PTPRN2: variants seen among roughly 807,000 people sequenced by gnomAD.
PTPRN2 encodes protein tyrosine phosphatase receptor type N2, also known as receptor-type tyrosine-protein phosphatase N2.
In PTPRN2, 74 loss-of-function variants were observed where a neutral mutation model predicts 118.8. That is an observed-to-expected ratio of 0.62 (90% confidence interval 0.52 to 0.76). The LOEUF (loss-of-function observed/expected upper bound fraction) is 0.76. PTPRN2 is among the 30% of genes least tolerant of loss of function. PTPRN2 has a pLI of 0.00. For missense variants in PTPRN2, 1,481 were observed against 1,394.4 expected (o/e 1.06, Z -0.99); for synonymous variants, 641 against 608.0 (o/e 1.05, Z -0.80).
intron 6 of PTPRN2, among the ~76,000 whole-genome samples, chr7:158,145,972 T>A (rs564233360): frequency 6.6e-6 from 1 of 152,346 alleles, no homozygotes; most frequent in East Asian, 1.9e-4. Flanking sequence ...AAGTGAGGCA[T>A]GGGCCCAGCA....
At position 158,102,792 on chromosome 7, in the gene PTPRN2, G is replaced by A. The variant is rs565031759; in HGVS notation, c.1643+8037C>T. On this transcript the variant is annotated intron_variant, in intron 10 of 22. Transcript: ENST00000389418. ...CACACTTCTCTGCAGTCACTGAGCC[G>A]GGTTCAGGACATAGATAGGCACTGA... Among the ~76,000 whole-genome samples, 29 of 152,218 alleles carry A rather than the reference G, an allele frequency of 1.9e-4. No individual in the cohort carries two copies. In the South Asian group the frequency reaches 3.1e-3, roughly 16 times the overall value.
intron 3 of PTPRN2, among the ~76,000 whole-genome samples, chr7:158,270,803 C>CCTCCA (rs1798319195): frequency 1.4e-4 from 3 of 22,112 alleles, no homozygotes; most frequent in Non-Finnish European, 2.0e-4. Context: ...CTGGACCACC[C>CCTCCA]CCTCACCTGG....
intron 3 of PTPRN2, among the ~76,000 whole-genome samples, chr7:158,235,860 C>T (rs1001311228): frequency 2.0e-5 from 3 of 152,138 alleles, no homozygotes; most frequent in Non-Finnish European, 4.4e-5. Flanking sequence ...AAAATATGTA[C>T]ATCGATTCTG....
intron 1 of PTPRN2, among the ~76,000 whole-genome samples, chr7:158,519,495 G>A (rs1277380075): frequency 6.6e-6 from 1 of 152,190 alleles, no homozygotes; most frequent in East Asian, 1.9e-4. Flanking sequence ...ACCAAGCTGT[G>A]TTTGAGCCTT....
chr7:157,928,527 T>C (rs896430947), intron 11 of PTPRN2, among the ~76,000 whole-genome samples: 9 of 152,068 alleles, frequency 5.9e-5, no homozygotes, highest in African/African-American at 2.2e-4. Context: ...CCAAAGGAAC[T>C]GGCTGCCTGA....
chr7:157,624,064 G>A (rs1486754864), intron 14 of PTPRN2, among the ~76,000 whole-genome samples: 2 of 152,092 alleles, frequency 1.3e-5, no homozygotes, highest in Admixed American at 6.6e-5. Context: ...AAGGTACCAC[G>A]GGAGCTTAGT....
At chr7:158,064,515 C>A (rs78531768) in intron 11 of PTPRN2, among the ~76,000 whole-genome samples, 1,986 of 152,238 alleles carry the variant, frequency 0.013, 27 homozygotes, top group East Asian at 0.075. Context: ...CTGGTCACGC[C>A]GGACACTGCC....
chr7:158,127,116 G>A (rs1052946584), intron 9 of PTPRN2, among the ~76,000 whole-genome samples: 14 of 152,150 alleles, frequency 9.2e-5, no homozygotes, highest in African/African-American at 2.4e-4. Flanking sequence ...AGAGGTCAAC[G>A]CCGCCCCATG....
At chr7:158,451,585 T>C (rs1374583765) in intron 2 of PTPRN2, among the ~76,000 whole-genome samples, 2 of 152,324 alleles carry the variant, frequency 1.3e-5, no homozygotes, top group Non-Finnish European at 2.9e-5. Context: ...CCTTTTTTAT[T>C]TCAAAATGTC....
chr7:158,469,617 G>A (rs1272753342), intron 2 of PTPRN2, among the ~76,000 whole-genome samples: 4 of 151,914 alleles, frequency 2.6e-5, no homozygotes, highest in South Asian at 2.1e-4. Flanking sequence ...GCACTCGCTC[G>A]AGAGCGTTTC....
chr7:158,500,815 T>A (rs1372979679), intron 1 of PTPRN2, among the ~76,000 whole-genome samples: 1 of 152,240 alleles, frequency 6.6e-6, no homozygotes. Context: ...AGAACAAAGC[T>A]GCGGGGCCCA....
intron 3 of PTPRN2, among the ~76,000 whole-genome samples, chr7:158,285,316 G>A (rs147431314): frequency 8.1e-4 from 124 of 152,286 alleles, no homozygotes; most frequent in Middle Eastern, 6.8e-3. Flanking sequence ...CAGGACTCCT[G>A]GTGAACAAGA....
Position 157,629,329 on chromosome 7 carries a change from G to T in PTPRN2, c.2197-7820C>A, listed in dbSNP as rs932424096. ...GCTCCATTCAGAGTCACAGAAATTAGGTTATTTTGGCATCTATCTGTTGGC... is the reference window on the plus strand; with the variant it reads ...GCTCCATTCAGAGTCACAGAAATTATGTTATTTTGGCATCTATCTGTTGGC... On this transcript the variant is annotated intron_variant, in intron 14 of 22. Coordinates refer to ENST00000389418, the MANE Select transcript of PTPRN2 (RefSeq NM_002847.5). This position sits in a 1 kb window ranked among gnomAD's most constrained non-coding sequence, Gnocchi z 4.4. Among the ~76,000 whole-genome samples, 1 of 152,058 alleles carries T rather than the reference G, an allele frequency of 6.6e-6. No homozygotes were observed. Among genetic ancestry groups the T allele is most frequent in the African/African-American group, 2.4e-5 (1 of 41,382 alleles).
At chr7:157,608,601 A>G (rs1802144059) in intron 15 of PTPRN2, among the ~76,000 whole-genome samples, 4 of 152,166 alleles carry the variant, frequency 2.6e-5, no homozygotes, top group African/African-American at 9.7e-5. Flanking sequence ...GATGCCATCC[A>G]GTTCCCGAGT....
intron 3 of PTPRN2, among the ~76,000 whole-genome samples, chr7:158,220,605 T>G (rs1478642866): frequency 6.6e-6 from 1 of 152,008 alleles, no homozygotes; most frequent in Admixed American, 6.6e-5. Flanking sequence ...AAATCAAGAA[T>G]GCAATCCCAT....
At chr7:158,165,818 C>T (rs1379670228) in intron 6 of PTPRN2, among the ~76,000 whole-genome samples, 4 of 152,314 alleles carry the variant, frequency 2.6e-5, no homozygotes, top group East Asian at 1.9e-4. Flanking sequence ...AACCCGCAAA[C>T]GCCTTTCTCC....
At chr7:158,138,949 C>T (rs1819106700) in intron 6 of PTPRN2, among the ~76,000 whole-genome samples, 1 of 134,928 alleles carries the variant, frequency 7.4e-6, no homozygotes, top group Admixed American at 6.9e-5. Flanking sequence ...CTGCCCAGGA[C>T]ACCCTGCCCA....
intron 11 of PTPRN2, among the ~76,000 whole-genome samples, chr7:158,057,979 C>A (rs895924620): frequency 6.6e-6 from 1 of 152,254 alleles, no homozygotes; most frequent in Non-Finnish European, 1.5e-5. Context: ...AACCCATATA[C>A]AGAATGCTTC....
intron 12 of PTPRN2, among the ~76,000 whole-genome samples, chr7:157,776,474 C>T (rs1803271002): frequency 7.3e-6 from 1 of 137,080 alleles, no homozygotes; most frequent in African/African-American, 3.0e-5. Flanking sequence ...TCTCCTTCTC[C>T]CTCTCCTCCT....
Sources: allele counts gnomAD v4.1 joint callset (sites outside exome capture counted in the v4.1 genomes callset), GRCh38; gene constraint gnomAD v4.1.1; non-coding constraint Gnocchi (gnomAD v3.1); transcripts MANE v1.5; gene names NCBI Gene and HGNC (gene_info 2026-07-23, HGNC 2026-07-21).